XKR6: variants seen among roughly 807,000 people sequenced by gnomAD.
XKR6 encodes the protein XK related 6.
In XKR6, 22 loss-of-function variants were observed where a neutral mutation model predicts 56.7. The observed-to-expected ratio is 0.39, with a 90% CI of 0.28 to 0.55. XKR6 has a LOEUF of 0.55. Ranked by LOEUF, XKR6 falls within the 20% of genes least tolerant of loss-of-function variation. The pLI is 0.66. For missense variants in XKR6, 852 were observed against 889.0 expected (o/e 0.96, Z 0.53); for synonymous variants, 524 against 387.8 (o/e 1.35, Z -4.13).
At chr8:11,074,366 T>C (rs1268126923) in intron 1 of XKR6, among the ~76,000 whole-genome samples, 7 of 152,172 alleles carry the variant, frequency 4.6e-5, no homozygotes, top group Non-Finnish European at 1.5e-5. Flanking sequence ...GTTGAGTTAG[T>C]GACACTGACG....
chr8:11,134,540 T>C (rs1043361476), intron 1 of XKR6, among the ~76,000 whole-genome samples: 4 of 152,176 alleles, frequency 2.6e-5, no homozygotes, highest in African/African-American at 9.7e-5. Flanking sequence ...CATATGAATG[T>C]GTGGCATTTG....
intron 1 of XKR6, among the ~76,000 whole-genome samples, chr8:11,171,977 C>A (rs530507500): frequency 6.6e-6 from 1 of 151,646 alleles, no homozygotes; most frequent in Non-Finnish European, 1.5e-5. Context: ...CGCTTGAACC[C>A]GGGAGGCACA....
rs149776388 is a variant in XKR6 at position 11,008,861 on chromosome 8, C to A, written c.765-84031G>T. 6.6e-3 allele frequency among the ~76,000 whole-genome samples: 1,004 copies of A among 152,234 alleles called. 13 individuals carry two copies. The highest frequency in any genetic ancestry group is 7.7e-3 in the Non-Finnish European group (523 of 68,014). The stretch of plus-strand genomic sequence containing the variant: ...GCCCAAGGAGCATGAGGCCCTGCAA[C>A]CACTGTAGCTTGCTAGGGCTCTTAC... On this transcript the variant is annotated intron_variant, in intron 1 of 2. Coordinates refer to ENST00000416569, the MANE Select transcript of XKR6 (RefSeq NM_173683.4).
intron 1 of XKR6, among the ~76,000 whole-genome samples, chr8:11,055,166 G>A (rs144068779): frequency 3.3e-5 from 5 of 152,206 alleles, no homozygotes; most frequent in African/African-American, 1.2e-4. Flanking sequence ...AGTTTTCCAG[G>A]AAGTGAGAGA....
chr8:11,092,348 G>C (rs1196813843), intron 1 of XKR6, among the ~76,000 whole-genome samples: 1 of 152,174 alleles, frequency 6.6e-6, no homozygotes, highest in African/African-American at 2.4e-5. Flanking sequence ...TTACAACCTT[G>C]GAAGCACTAT....
At chr8:11,002,082 C>CA (rs1355872541) in intron 1 of XKR6, among the ~76,000 whole-genome samples, 114 of 96,212 alleles carry the variant, frequency 1.2e-3, no homozygotes, top group African/African-American at 3.3e-3. Context: ...AAAAAAAAAA[C>CA]ACACAAAAAA....
chr8:11,165,176 T>C (rs1308190935), intron 1 of XKR6, among the ~76,000 whole-genome samples: 1 of 139,142 alleles, frequency 7.2e-6, no homozygotes, highest in East Asian at 2.2e-4. Flanking sequence ...CTTGGCTCAC[T>C]GCAACCTCCG....
intron 1 of XKR6, among the ~76,000 whole-genome samples, chr8:11,136,481 G>C (rs1563164666): frequency 2.1e-5 from 3 of 146,014 alleles, no homozygotes; most frequent in Non-Finnish European, 4.5e-5. Flanking sequence ...TCCAGCCCGG[G>C]CAACAAAAGC....
At chr8:10,982,825 T>C (rs1321625335) in intron 1 of XKR6, among the ~76,000 whole-genome samples, 4 of 152,102 alleles carry the variant, frequency 2.6e-5, no homozygotes, top group Admixed American at 6.6e-5. Flanking sequence ...CAAGAACGTA[T>C]TCAGAGAGCG....
chr8:11,026,157 C>T (rs900907938), intron 1 of XKR6, among the ~76,000 whole-genome samples: 23 of 152,032 alleles, frequency 1.5e-4, no homozygotes, highest in Middle Eastern at 3.4e-3. Flanking sequence ...TACACACCTA[C>T]GACACACCTA....
At chr8:11,179,895 G>A (rs1042666554) in intron 1 of XKR6, among the ~76,000 whole-genome samples, 2 of 152,180 alleles carry the variant, frequency 1.3e-5, no homozygotes, top group African/African-American at 4.8e-5. Context: ...CACTTTGGGA[G>A]GCCGATGTAG....
chr8:11,142,075 T>C (rs1800731850), intron 1 of XKR6, among the ~76,000 whole-genome samples: 1 of 151,868 alleles, frequency 6.6e-6, no homozygotes. Flanking sequence ...GTTCTGAACT[T>C]GAAGTAAAAA....
chr8:11,168,033 G>C (rs1037559883), intron 1 of XKR6, among the ~76,000 whole-genome samples: 7 of 150,104 alleles, frequency 4.7e-5, no homozygotes, highest in African/African-American at 1.7e-4. Flanking sequence ...ACAAAAAAAA[G>C]AGATACATAA....
intron 1 of XKR6, among the ~76,000 whole-genome samples, chr8:11,190,532 G>A (rs533127929): frequency 3.9e-4 from 59 of 152,274 alleles, no homozygotes; most frequent in Admixed American, 1.8e-3. Context: ...AGACCCAGAG[G>A]TATTAATATT....
chr8:11,153,872 C>G (rs1053852172), intron 1 of XKR6, among the ~76,000 whole-genome samples: 3 of 152,232 alleles, frequency 2.0e-5, no homozygotes, highest in Admixed American at 6.5e-5. Context: ...ACTCCAACCA[C>G]TTATCATCCC....
intron 1 of XKR6, among the ~76,000 whole-genome samples, chr8:11,197,763 T>C (rs1803968467): frequency 6.6e-6 from 1 of 151,390 alleles, no homozygotes; most frequent in Non-Finnish European, 1.5e-5. Context: ...TCTGTAAAGT[T>C]ATTTGATAAA....
At chr8:10,912,993 C>CATATAT (rs145679122) in intron 2 of XKR6, among the ~76,000 whole-genome samples, 1 of 143,478 alleles carries the variant, frequency 7.0e-6, no homozygotes. Flanking sequence ...TATACACATA[C>CATATAT]ATATATATAT....
intron 1 of XKR6, among the ~76,000 whole-genome samples, chr8:10,940,374 G>A (rs1801350428): frequency 1.3e-5 from 2 of 152,174 alleles, no homozygotes; most frequent in African/African-American, 4.8e-5. Context: ...GCCCGCAGTA[G>A]TCACTGTGGA....
intron 1 of XKR6, among the ~76,000 whole-genome samples, chr8:10,962,412 G>C (rs1479635478): frequency 2.0e-5 from 3 of 152,194 alleles, no homozygotes; most frequent in Non-Finnish European, 4.4e-5. Flanking sequence ...AGGTCCCCTG[G>C]TGCTCTGAGA....
Sources: allele counts gnomAD v4.1 joint callset (sites outside exome capture counted in the v4.1 genomes callset), GRCh38; gene constraint gnomAD v4.1.1; transcripts MANE v1.5; gene names NCBI Gene and HGNC (gene_info 2026-07-23, HGNC 2026-07-21).